NRG2: variants seen among roughly 807,000 people sequenced by gnomAD.
The protein encoded by NRG2 is pro-neuregulin-2, membrane-bound isoform.
A neutral mutation model predicts 73.9 loss-of-function variants in NRG2; 27 were observed. That is an observed-to-expected ratio of 0.37 (90% confidence interval 0.27 to 0.50). The LOEUF (loss-of-function observed/expected upper bound fraction) is 0.50, where lower values mean the gene tolerates loss of function less well. Ranked by LOEUF, NRG2 falls within the 20% of genes least tolerant of loss-of-function variation. The pLI is 0.96. For missense variants in NRG2, 1,126 were observed against 1,210.1 expected, an observed-to-expected ratio of 0.93 and a Z score of 1.03; for synonymous variants, 532 against 541.0, an observed-to-expected ratio of 0.98 and a Z score of 0.23.
intron 1 of NRG2, among the ~76,000 whole-genome samples, chr5:139,943,852 T>C (rs34503151): frequency 0.15 from 23,304 of 152,174 alleles, 1,996 homozygotes; most frequent in South Asian, 0.25. Context: ...TCATATACAA[T>C]TTTTATGGCA....
chr5:140,016,488 T>C (rs1301912581), intron 1 of NRG2, among the ~76,000 whole-genome samples: 2 of 152,206 alleles, frequency 1.3e-5, no homozygotes, highest in Non-Finnish European at 2.9e-5. Flanking sequence ...TTCATAAAAT[T>C]AAACATATCC....
In NRG2 at chr5:139,851,926, C is replaced by T; in HGVS notation, c.1545-95G>A. 9.8e-7 allele frequency: 1 copy of T among 1,023,446 alleles called. No homozygotes were observed. Among genetic ancestry groups the T allele is most frequent in the Admixed American group, 2.1e-5 (1 of 48,420 alleles). 63.4% of individuals were successfully genotyped at this position (1,023,446 alleles called of 1,614,324 possible). A position where few individuals can be genotyped will look rare whatever the true frequency, so the allele number is the denominator to read the frequency against. ...TGGACCTCCCTGGCTCTTCTTCCAC[C>T]TCGAGCTCCCTTAGCTCAATGCCCT... On this transcript the variant is annotated intron_variant, in intron 8 of 9. Transcript: ENST00000361474. This position sits in a 1 kb window ranked among gnomAD's most constrained non-coding sequence, Gnocchi z 4.2.
Position 139,847,790 on chromosome 5 carries a change from A to G in NRG2, c.*127T>C, listed in dbSNP as rs1308548586. On this transcript the variant is annotated 3_prime_UTR_variant, in exon 10 of 10. Coordinates refer to ENST00000361474, the MANE Select transcript of NRG2 (RefSeq NM_004883.3). ...AAATGAAAATAAAACATTTTGTTAT[A>G]CTTTTTTCCTTTTATAGAAAATAAA... The G allele has an allele frequency of 7.5e-6, 5 of 666,952 alleles. No homozygotes were observed. The highest frequency in any genetic ancestry group is 1.1e-5 in the Non-Finnish European group (5 of 465,656). 41.3% of individuals were successfully genotyped at this position (666,952 alleles called of 1,614,324 possible).
chr5:139,909,197 TC>T (rs1765435672), intron 1 of NRG2, among the ~76,000 whole-genome samples: 1 of 152,372 alleles, frequency 6.6e-6, no homozygotes, highest in African/African-American at 2.4e-5. Context: ...CAAACTTTTT[TC>T]CTTTTTAACA....
chr5:139,924,705 C>A (rs544735893), intron 1 of NRG2, among the ~76,000 whole-genome samples: 7 of 152,288 alleles, frequency 4.6e-5, no homozygotes, highest in Admixed American at 3.3e-4. Context: ...GGAGGCTCAG[C>A]TAATCTCTTC....
chr5:139,878,280 G>T (rs777670811), intron 3 of NRG2, among the ~76,000 whole-genome samples: 4 of 152,224 alleles, frequency 2.6e-5, no homozygotes, highest in Non-Finnish European at 4.4e-5. Flanking sequence ...GGCAAAGATG[G>T]CCCCACCCTC....
At position 139,930,857 on chromosome 5, in the gene NRG2, T is replaced by C. The variant is rs564760480; in HGVS notation, c.701-43346A>G. 2.8e-4 allele frequency among the ~76,000 whole-genome samples: 43 copies of C among 152,334 alleles called. No individual in the cohort carries two copies. The South Asian group carries it at 6.0e-3, about 21-fold the overall frequency. On this transcript the variant is annotated intron_variant, in intron 1 of 9. Coordinates refer to ENST00000361474, the MANE Select transcript of NRG2 (RefSeq NM_004883.3). ...GTAACAAGACGCTGTGCAGGGAACATTGGGCCACCAGACCCCATTCAAAGA... is the reference window on the plus strand; with the variant it reads ...GTAACAAGACGCTGTGCAGGGAACACTGGGCCACCAGACCCCATTCAAAGA...
rs1304439142 is a variant in NRG2 at position 139,865,343 on chromosome 5, A to T, written c.1189+206T>A. Reference sequence around the variant, plus strand: ...CCTGCAGCCCTGAACTTTAAACCCAAGGATTAGGCCAAAAATGAAAACAAA... The same window carrying T: ...CCTGCAGCCCTGAACTTTAAACCCATGGATTAGGCCAAAAATGAAAACAAA... On this transcript the variant is annotated intron_variant, in intron 5 of 9. Transcript: ENST00000361474. The surrounding 1 kb of genome is among the most constrained non-coding windows in gnomAD (Gnocchi z 5.2). Among the ~76,000 whole-genome samples the T allele has an allele frequency of 6.6e-6, 1 of 152,226 alleles. No homozygotes were observed. Among genetic ancestry groups the T allele is most frequent in the African/African-American group, 2.4e-5 (1 of 41,456 alleles).
chr5:140,036,853 T>C (rs947954184), intron 1 of NRG2, among the ~76,000 whole-genome samples: 10 of 152,234 alleles, frequency 6.6e-5, no homozygotes, highest in African/African-American at 2.4e-4. Context: ...TCAATGATAC[T>C]GATATCACCA....
At chr5:139,886,680 G>C (rs1463847087) in intron 2 of NRG2, among the ~76,000 whole-genome samples, 2 of 152,152 alleles carry the variant, frequency 1.3e-5, no homozygotes, top group Admixed American at 6.5e-5. Context: ...CGGCTTCTCT[G>C]GTGCCAGAAG....
At chr5:139,975,441 C>A (rs150226783) in intron 1 of NRG2, among the ~76,000 whole-genome samples, 4 of 152,284 alleles carry the variant, frequency 2.6e-5, no homozygotes, top group African/African-American at 9.6e-5. Flanking sequence ...GAAGGAGTAG[C>A]CTCAGTACCC....
chr5:140,014,094 C>A (rs1337514802), intron 1 of NRG2, among the ~76,000 whole-genome samples: 2 of 152,118 alleles, frequency 1.3e-5, no homozygotes, highest in Non-Finnish European at 2.9e-5. Context: ...ATACCTCCAG[C>A]CCCTATCTTA....
rs955267464 is a variant in NRG2 at position 140,008,942 on chromosome 5, T to A, written c.700+33428A>T. Among the ~76,000 whole-genome samples, 1 of 152,158 alleles carries A rather than the reference T, an allele frequency of 6.6e-6. No individual in the cohort carries two copies. Among genetic ancestry groups the A allele is most frequent in the Non-Finnish European group, 1.5e-5 (1 of 68,026 alleles). The stretch of plus-strand genomic sequence containing the variant: ...CAATAGAACCAACCTCCCAGGGTTG[T>A]TGCAAGGACTGAGTGAGAGACAAAA... On this transcript the variant is annotated intron_variant, in intron 1 of 9. Coordinates refer to ENST00000361474, the MANE Select transcript of NRG2 (RefSeq NM_004883.3). This position sits in a 1 kb window ranked among gnomAD's most constrained non-coding sequence, Gnocchi z 4.2.
chr5:140,042,956 G>T lies in NRG2; in HGVS notation c.114C>A (p.Ser38Arg). The T allele has an allele frequency of 6.5e-7, 1 of 1,545,680 alleles. No homozygotes were observed. The highest frequency in any genetic ancestry group is 8.7e-7 in the Non-Finnish European group (1 of 1,148,274). Residue 38 changes from serine (S) to arginine (R), a missense_variant, in exon 1 of 10, where the codon AGC (serine) becomes AGA (arginine). This residue lies in a region of NRG2 where 185 missense variants were observed against 149.0 expected (regional missense o/e 1.24). Coordinates refer to ENST00000361474, the MANE Select transcript of NRG2 (RefSeq NM_004883.3). ...TGCTGCTGCCGCTCTCGCTGCTGCT[G>T]CTGCTGCTGCTGCTGCTCCTCTCGC... ...SSSERSSSSS[S>R]SSSESGSSSR...
intron 1 of NRG2, among the ~76,000 whole-genome samples, chr5:139,937,942 GT>G (rs1752968002): frequency 6.6e-6 from 1 of 152,148 alleles, no homozygotes. Flanking sequence ...CCCGGACAAG[GT>G]GGTGTGCACC....
intron 1 of NRG2, among the ~76,000 whole-genome samples, chr5:140,037,907 C>CAAA (rs748112690): frequency 0.01 from 609 of 58,988 alleles, 15 homozygotes; most frequent in African/African-American, 0.036. Flanking sequence ...GACTCCATCT[C>CAAA]AAAAAAAAAA....
At chr5:139,920,350 G>C (rs1158770787) in intron 1 of NRG2, among the ~76,000 whole-genome samples, 1 of 152,174 alleles carries the variant, frequency 6.6e-6, no homozygotes, top group Non-Finnish European at 1.5e-5. Context: ...TTTCACCTTT[G>C]CAGTATGTCG....
At chr5:140,010,658 C>T (rs1409164912) in intron 1 of NRG2, among the ~76,000 whole-genome samples, 1 of 152,012 alleles carries the variant, frequency 6.6e-6, no homozygotes, top group African/African-American at 2.4e-5. Flanking sequence ...CTAAATACTT[C>T]TTTATTGTCC....
intron 1 of NRG2, among the ~76,000 whole-genome samples, chr5:139,896,156 T>C (rs1037406881): frequency 6.6e-6 from 1 of 152,146 alleles, no homozygotes; most frequent in Non-Finnish European, 1.5e-5. Flanking sequence ...TGCAAAGCCA[T>C]AGGATGATCT....
Sources: gnomAD v4.1 joint callset for allele counts (sites outside exome capture counted in the v4.1 genomes callset) on GRCh38, gnomAD v4.1.1 for gene constraint, gnomAD v4.1.1 regional missense constraint, Gnocchi (gnomAD v3.1) non-coding constraint, MANE v1.5 for transcripts, NCBI Gene and HGNC (gene_info 2026-07-23, HGNC 2026-07-21) for gene names.